SMIM27: variants seen among roughly 807,000 people sequenced by gnomAD.
SMIM27 encodes TOPORS antisense RNA 1 (non-protein coding).
Under a neutral mutation model 1.8 loss-of-function variants are expected in SMIM27, and 3 were observed. The ratio of observed to expected loss-of-function variants is 1.65; its 90% CI spans 0.75 to 4.28. The LOEUF (loss-of-function observed/expected upper bound fraction) is 4.28, where lower values mean the gene tolerates loss of function less well. SMIM27 is among the 30% of genes most tolerant of loss of function. The probability of loss-of-function intolerance (pLI) is 0.02; values close to 1 mark genes in which losing one functional copy is unlikely to be tolerated. For missense variants in SMIM27, 63 were observed against 37.0 expected, an observed-to-expected ratio of 1.70 and a Z score of -1.83; for synonymous variants, 19 against 13.9, an observed-to-expected ratio of 1.37 and a Z score of -0.82.
intron 1 of SMIM27, among the ~76,000 whole-genome samples, chr9:32,565,223 G>T (rs1186466624): frequency 6.6e-6 from 1 of 151,702 alleles, no homozygotes; most frequent in Admixed American, 6.6e-5. Context: ...AACCCAGGAG[G>T]CAGAGGTCGC....
At chr9:32,556,602 G>A (rs756894900), downstream of SMIM27, among the ~76,000 whole-genome samples, 1 of 152,140 alleles carries the variant, frequency 6.6e-6, no homozygotes, top group African/African-American at 2.4e-5. Context: ...AACCACAGTG[G>A]CAAAAAATAC....
At chr9:32,553,301 G>A (rs1181648991), downstream of SMIM27, 2 of 174,530 alleles carry the variant, frequency 1.1e-5, no homozygotes, top group Non-Finnish European at 2.4e-5. Flanking sequence ...CCAATCTCGT[G>A]CCTCAGCCTC....
At chr9:32,564,963 T>C (rs566646660) in intron 1 of SMIM27, among the ~76,000 whole-genome samples, 10 of 152,314 alleles carry the variant, frequency 6.6e-5, no homozygotes, top group South Asian at 2.1e-4. Flanking sequence ...GCCCTATTCA[T>C]AGACATTGGG....
At chr9:32,559,498 T>A (rs1821567498) in intron 1 of SMIM27, among the ~76,000 whole-genome samples, 1 of 152,174 alleles carries the variant, frequency 6.6e-6, no homozygotes, top group Admixed American at 6.5e-5. Context: ...AAAAAGCCAG[T>A]CTTTTCTCCC....
intron 1 of SMIM27, among the ~76,000 whole-genome samples, chr9:32,558,576 T>C (rs943837956): frequency 6.6e-6 from 1 of 152,246 alleles, no homozygotes; most frequent in East Asian, 1.9e-4. Context: ...CTTAGGCTCA[T>C]GCCCTAAGCT....
chr9:32,563,974 C>G (rs1168764292), intron 1 of SMIM27, among the ~76,000 whole-genome samples: 1 of 152,156 alleles, frequency 6.6e-6, no homozygotes, highest in African/African-American at 2.4e-5. Flanking sequence ...ACTTTCTCTC[C>G]TCCCGCCCTA....
At chr9:32,552,170 T>A (rs112848192), upstream of SMIM27, 22 of 550,398 alleles carry the variant, frequency 4.0e-5, no homozygotes, top group Admixed American at 1.0e-4. Context: ...ATCTCCTTAG[T>A]TGGCAAAAAA....
upstream of SMIM27, chr9:32,552,259 T>C: frequency 3.6e-6 from 3 of 838,196 alleles, no homozygotes; most frequent in Non-Finnish European, 5.8e-6. Context: ...GATCACGTGA[T>C]ACCGCCCCCC....
Position 32,552,457 on chromosome 9 carries a change from C to A in SMIM27, c.23C>A (p.Thr8Lys), listed in dbSNP as rs768116731. 3.7e-6 allele frequency: 6 copies of A among 1,603,042 alleles called. No individual in the cohort carries two copies. The African/African-American group carries it at 8.0e-5, about 21-fold the overall frequency. Residue 8 changes from threonine to lysine, a missense_variant, in exon 1 of 2, where the codon ACG becomes AAG. By Grantham distance (78) the Thr-to-Lys change is moderately conservative. Coordinates refer to ENST00000692500, the MANE Select transcript of SMIM27 (RefSeq NM_001387564.1). MKPVSRR[T>K]LDWIYSVLLL... ...ACCATGAAGCCAGTAAGTCGTCGCA[C>A]GCTGGACTGGATTTATTCAGTGGTA...
At chr9:32,553,999 GTTCTA>G (rs1821382505), downstream of SMIM27, 2 of 1,064,176 alleles carry the variant, frequency 1.9e-6, no homozygotes, top group Non-Finnish European at 2.8e-6. Context: ...AGAGGTGATA[GTTCTA>G]TTCTGTTCTA....
chr9:32,562,075 T>TA (rs1821641881), intron 1 of SMIM27, among the ~76,000 whole-genome samples: 1 of 152,228 alleles, frequency 6.6e-6, no homozygotes, highest in African/African-American at 2.4e-5. Flanking sequence ...GGTCCCAGGC[T>TA]ACCTAGTCAA....
intron 1 of SMIM27, among the ~76,000 whole-genome samples, chr9:32,563,478 T>TG (rs1821687127): frequency 7.3e-6 from 1 of 136,630 alleles, no homozygotes; most frequent in Admixed American, 7.4e-5. Context: ...CCTGAACAGG[T>TG]GGGACTATTG....
upstream of SMIM27, chr9:32,552,175 A>C (rs1164756187): frequency 2.0e-4 from 6 of 29,298 alleles, no homozygotes; most frequent in South Asian, 7.1e-4. Context: ...CTTAGTTGGC[A>C]AAAAAAAAAA....
intron 1 of SMIM27, chr9:32,566,283 A>G: frequency 8.7e-7 from 1 of 1,154,724 alleles, no homozygotes; most frequent in Non-Finnish European, 1.3e-6. Flanking sequence ...TGAGGTAGAA[A>G]GCAGGCCATA....
chr9:32,558,094 T>C (rs1433586556), intron 1 of SMIM27, among the ~76,000 whole-genome samples: 5 of 151,440 alleles, frequency 3.3e-5, no homozygotes, highest in African/African-American at 9.7e-5. Flanking sequence ...ATTAGTACTA[T>C]AGCTCACACA....
upstream of SMIM27, chr9:32,552,155 C>A: frequency 1.9e-6 from 1 of 518,956 alleles, no homozygotes. Context: ...AGTGGAGGTA[C>A]GCCTATCTCC....
intron 1 of SMIM27, among the ~76,000 whole-genome samples, chr9:32,558,558 G>A (rs1252198600): frequency 8.5e-5 from 13 of 152,198 alleles, no homozygotes; most frequent in Non-Finnish European, 1.5e-5. Flanking sequence ...ACCATGCATG[G>A]ATGTTTGCTT....
At chr9:32,560,186 A>G (rs1821586779) in intron 1 of SMIM27, among the ~76,000 whole-genome samples, 1 of 152,204 alleles carries the variant, frequency 6.6e-6, no homozygotes, top group African/African-American at 2.4e-5. Flanking sequence ...GCAATCCTTT[A>G]CCTACCAAAA....
At chr9:32,554,664 T>A (rs1821406633), downstream of SMIM27, among the ~76,000 whole-genome samples, 1 of 152,162 alleles carries the variant, frequency 6.6e-6, no homozygotes, top group Non-Finnish European at 1.5e-5. Flanking sequence ...TATAGTCCAA[T>A]GAAAAAATAA....
Sources: gnomAD v4.1 joint callset for allele counts (sites outside exome capture counted in the v4.1 genomes callset) on GRCh38, gnomAD v4.1.1 for gene constraint, MANE v1.5 for transcripts, NCBI Gene and HGNC (gene_info 2026-07-23, HGNC 2026-07-21) for gene names.